Variants in PLEKHA8 observed in about 807,000 individuals in gnomAD.
PLEKHA8 encodes the protein pleckstrin homology domain containing A8.
In PLEKHA8, 36 loss-of-function variants were observed where a neutral mutation model predicts 68.2. The observed-to-expected ratio is 0.53, with a 90% confidence interval of 0.40 to 0.70. PLEKHA8 has a LOEUF of 0.70. PLEKHA8 is among the 30% of genes least tolerant of loss of function. PLEKHA8 has a pLI of 0.00. For synonymous variants in PLEKHA8, 211 were observed against 216.1 expected (o/e 0.98, Z 0.20); for missense variants, 505 against 615.4 (o/e 0.82, Z 1.90).
chr7:30,030,022 G>C (rs1327856396), intron 1 of PLEKHA8, among the ~76,000 whole-genome samples: 2 of 152,168 alleles, frequency 1.3e-5, no homozygotes, highest in African/African-American at 2.4e-5. Flanking sequence ...AGGACCTTCA[G>C]TGATGTCTGC....
chr7:30,116,920 T>C (rs928652472), intron 13 of PLEKHA8, among the ~76,000 whole-genome samples: 3 of 152,164 alleles, frequency 2.0e-5, no homozygotes, highest in African/African-American at 7.2e-5. Context: ...GAATGACAAG[T>C]ATGCTAGAGG....
chr7:30,100,203 G>T (rs1305787512), intron 13 of PLEKHA8, among the ~76,000 whole-genome samples: 2 of 152,154 alleles, frequency 1.3e-5, no homozygotes, highest in Admixed American at 1.3e-4. Flanking sequence ...TATCCGTAAA[G>T]ATCCTATTTC....
At chr7:30,127,058 A>T (rs1415073180) in intron 13 of PLEKHA8, among the ~76,000 whole-genome samples, 3 of 152,254 alleles carry the variant, frequency 2.0e-5, no homozygotes, top group Non-Finnish European at 4.4e-5. Flanking sequence ...ACGTAGTTTT[A>T]TGTAAAAGCT....
At chr7:30,089,115 C>A (rs975901930), downstream of PLEKHA8, among the ~76,000 whole-genome samples, 1 of 152,180 alleles carries the variant, frequency 6.6e-6, no homozygotes, top group Non-Finnish European at 1.5e-5. Flanking sequence ...GAAGACAGAG[C>A]AGAGTCCAGT....
At chr7:30,064,416 G>T (rs748600787) in intron 12 of PLEKHA8, among the ~76,000 whole-genome samples, 1 of 152,106 alleles carries the variant, frequency 6.6e-6, no homozygotes, top group Non-Finnish European at 1.5e-5. Context: ...GGTGTTGCGT[G>T]CCTGTAGTCC....
chr7:30,081,160 A>G lies in PLEKHA8; in HGVS notation c.*2373A>G. 1.0e-6 allele frequency: 1 copy of G among 985,382 alleles called. No individual in the cohort carries two copies. The highest frequency in any genetic ancestry group is 1.2e-6 in the Non-Finnish European group (1 of 829,914). 61.0% of individuals were successfully genotyped at this position (985,382 alleles called of 1,614,324 possible). ...GGAATGAGGGGCTTAATATTATCTG[A>G]GATCATTGAGAACCCAGATCAGACA... On this transcript the variant is annotated 3_prime_UTR_variant, in exon 14 of 14. Coordinates refer to ENST00000449726, the MANE Select transcript of PLEKHA8 (RefSeq NM_001197026.2).
chr7:30,105,266 T>C (rs1379014974), intron 13 of PLEKHA8, among the ~76,000 whole-genome samples: 1 of 145,388 alleles, frequency 6.9e-6, no homozygotes, highest in Non-Finnish European at 1.5e-5. Context: ...AACCCAGTAG[T>C]TCAAGGCCAG....
Position 30,028,769 on chromosome 7 carries a change from G to A in PLEKHA8, c.7G>A (p.Gly3Arg), listed in dbSNP as rs1790405180. Reference sequence around the variant, plus strand: ...CCGAGTGGCCGCGGGCGCCATGGAGGGGGTGCTGTACAAGTGGACCAACTA... The same window carrying A: ...CCGAGTGGCCGCGGGCGCCATGGAGAGGGTGCTGTACAAGTGGACCAACTA... ME[G>R]VLYKWTNYLS... Residue 3 changes from glycine (G) to arginine (R), a missense_variant, in exon 1 of 14, where the codon GGG becomes AGG. Gly to Arg is a moderately radical substitution (Grantham distance 125). Transcript: ENST00000449726. 1 of 1,270,968 alleles carries A rather than the reference G, an allele frequency of 7.9e-7. No individual in the cohort carries two copies. Among genetic ancestry groups the A allele is most frequent in the Non-Finnish European group, 1.0e-6 (1 of 1,002,400 alleles). The allele number at this position is 1,270,968 out of a possible 1,614,324, so 78.7% of individuals were successfully genotyped here.
intron 1 of PLEKHA8, among the ~76,000 whole-genome samples, chr7:30,044,425 A>G (rs1056954605): frequency 6.6e-6 from 1 of 152,246 alleles, no homozygotes; most frequent in Non-Finnish European, 1.5e-5. Context: ...GCGTATTTCT[A>G]CTACACATGG....
intron 1 of PLEKHA8, among the ~76,000 whole-genome samples, chr7:30,036,861 A>G (rs1173933479): frequency 2.0e-5 from 3 of 152,210 alleles, no homozygotes; most frequent in Non-Finnish European, 4.4e-5. Flanking sequence ...GAAGCCTATA[A>G]TTTAGCTAAT....
chr7:30,058,590 T>G (rs769460056), intron 9 of PLEKHA8, among the ~76,000 whole-genome samples: 3 of 152,080 alleles, frequency 2.0e-5, no homozygotes, highest in Non-Finnish European at 4.4e-5. Context: ...CTTATAATGC[T>G]TATAATATGG....
chr7:30,068,198 T>C (rs11772028), intron 12 of PLEKHA8, among the ~76,000 whole-genome samples: 22,162 of 152,206 alleles, frequency 0.15, 1,648 homozygotes, highest in Middle Eastern at 0.19. Flanking sequence ...GACTTTGCAT[T>C]TCTAACAAGT....
chr7:30,033,951 T>G (rs1790850190), intron 1 of PLEKHA8, among the ~76,000 whole-genome samples: 2 of 151,302 alleles, frequency 1.3e-5, no homozygotes, highest in Non-Finnish European at 2.9e-5. Context: ...TGGAAAAATG[T>G]CTGCATTTTT....
chr7:30,079,323 G>A lies in PLEKHA8; in HGVS notation c.*536G>A. Reference sequence around the variant, plus strand: ...TGATAAGGGCCTGTGTAGTAAAGATGTTCAGGGCATTCACATGACCATGCA... The same window carrying A: ...TGATAAGGGCCTGTGTAGTAAAGATATTCAGGGCATTCACATGACCATGCA... On this transcript the variant is annotated 3_prime_UTR_variant, in exon 14 of 14. Coordinates refer to ENST00000449726, the MANE Select transcript of PLEKHA8 (RefSeq NM_001197026.2). 1 of 986,484 alleles carries A rather than the reference G, an allele frequency of 1.0e-6. No individual in the cohort carries two copies. The highest frequency in any genetic ancestry group is 1.7e-5 in the African/African-American group (1 of 57,348). The allele number at this position is 986,484 out of a possible 1,614,324, so 61.1% of individuals were successfully genotyped here. A position where few individuals can be genotyped will look rare whatever the true frequency, so the allele number is the denominator to read the frequency against.
intron 1 of PLEKHA8, among the ~76,000 whole-genome samples, chr7:30,040,060 A>G (rs561472547): frequency 6.9e-4 from 105 of 152,310 alleles, no homozygotes; most frequent in African/African-American, 2.4e-3. Flanking sequence ...TAAGTTTGTT[A>G]GGTGTTTTTA....
chr7:30,105,497 G>A (rs1328938965), intron 13 of PLEKHA8, among the ~76,000 whole-genome samples: 2 of 151,992 alleles, frequency 1.3e-5, no homozygotes, highest in East Asian at 1.9e-4. Context: ...AAAGAAAAAA[G>A]TTATCAGGAA....
chr7:30,123,170 G>T (rs1316957095), intron 13 of PLEKHA8, among the ~76,000 whole-genome samples: 1 of 152,148 alleles, frequency 6.6e-6, no homozygotes, highest in Non-Finnish European at 1.5e-5. Context: ...CTGAATTAGT[G>T]AAATACAATT....
At chr7:30,073,189 C>T (rs1281001487) in intron 12 of PLEKHA8, among the ~76,000 whole-genome samples, 4 of 152,112 alleles carry the variant, frequency 2.6e-5, no homozygotes, top group Admixed American at 1.3e-4. Flanking sequence ...TCACCAATTA[C>T]TTTAGCTTAA....
chr7:30,042,833 A>G (rs1471633256), intron 1 of PLEKHA8, among the ~76,000 whole-genome samples: 1 of 152,146 alleles, frequency 6.6e-6, no homozygotes, highest in East Asian at 1.9e-4. Flanking sequence ...ACTTTTGCAA[A>G]GGGCTGAAAC....
Sources: gnomAD v4.1 joint callset for allele counts (sites outside exome capture counted in the v4.1 genomes callset) on GRCh38, gnomAD v4.1.1 for gene constraint, MANE v1.5 for transcripts, NCBI Gene and HGNC (gene_info 2026-07-23, HGNC 2026-07-21) for gene names.